The following NFIA variants were observed in gnomAD, a reference collection of about 807,000 sequenced individuals.
The protein encoded by NFIA is nuclear factor 1 A-type.
In NFIA, 8 loss-of-function variants were observed where a neutral mutation model predicts 62.8. The ratio of observed to expected loss-of-function variants is 0.13; its 90% CI spans 0.07 to 0.23. NFIA has a LOEUF of 0.23. NFIA is among the 10% of genes least tolerant of loss of function. NFIA has a pLI of 1.00. For missense variants in NFIA, 410 were observed against 642.1 expected, an observed-to-expected ratio of 0.64 and a Z score of 3.91; for synonymous variants, 235 against 238.1, an observed-to-expected ratio of 0.99 and a Z score of 0.12.
chr1:61,290,802 A>G (rs1179672622), intron 3 of NFIA, among the ~76,000 whole-genome samples: 3 of 152,128 alleles, frequency 2.0e-5, no homozygotes, highest in Admixed American at 2.0e-4. Flanking sequence ...TGGTCCTTGA[A>G]GGGAGCCAGA....
chr1:61,223,972 T>G (rs1654172342), intron 2 of NFIA, among the ~76,000 whole-genome samples: 1 of 152,106 alleles, frequency 6.6e-6, no homozygotes, highest in Non-Finnish European at 1.5e-5. Context: ...ACCAGAGGGT[T>G]CTTGCCTAAT....
At chr1:61,226,652 T>A in intron 2 of NFIA, among the ~76,000 whole-genome samples, 1 of 152,208 alleles carries the variant, frequency 6.6e-6, no homozygotes, top group East Asian at 1.9e-4. Context: ...TCCCATCTTT[T>A]TATTTTTATT....
intron 2 of NFIA, among the ~76,000 whole-genome samples, chr1:61,228,032 T>G (rs1306729660): frequency 6.6e-6 from 1 of 152,228 alleles, no homozygotes; most frequent in Non-Finnish European, 1.5e-5. Flanking sequence ...CTCTCAGATC[T>G]TGAAGATCTG....
At chr1:61,422,290 T>C (rs1384793726) in intron 9 of NFIA, among the ~76,000 whole-genome samples, 2 of 152,174 alleles carry the variant, frequency 1.3e-5, no homozygotes, top group African/African-American at 4.8e-5. Flanking sequence ...TCAACTGACG[T>C]TGGCATGAAT....
intron 2 of NFIA, among the ~76,000 whole-genome samples, chr1:61,228,314 G>A (rs1036658980): frequency 6.6e-6 from 1 of 152,134 alleles, no homozygotes; most frequent in East Asian, 1.9e-4. Context: ...CAACAAAGCC[G>A]TGAGCAAGGT....
chr1:61,111,533 G>A (rs533411588), intron 2 of NFIA, among the ~76,000 whole-genome samples: 1 of 152,244 alleles, frequency 6.6e-6, no homozygotes, highest in South Asian at 2.1e-4. Context: ...CATTTGTGAA[G>A]ACTTTGCATT....
At chr1:61,322,470 G>A (rs1262172625) in intron 3 of NFIA, among the ~76,000 whole-genome samples, 1 of 152,226 alleles carries the variant, frequency 6.6e-6, no homozygotes, top group East Asian at 1.9e-4. Context: ...GCTATTCCAC[G>A]GGTGTGTGCC....
At chr1:61,120,959 A>G (rs1433782209) in intron 2 of NFIA, among the ~76,000 whole-genome samples, 2 of 152,216 alleles carry the variant, frequency 1.3e-5, no homozygotes, top group African/African-American at 2.4e-5. Flanking sequence ...TGTGAACAGT[A>G]TCTGTTAGCC....
chr1:61,089,775 A>G (rs1258530503), intron 2 of NFIA, among the ~76,000 whole-genome samples: 1 of 146,238 alleles, frequency 6.8e-6, no homozygotes, highest in Non-Finnish European at 1.5e-5. Context: ...TTTTAATTCT[A>G]AAAATGTTAG....
chr1:61,361,123 C>T (rs1245607872), intron 6 of NFIA, among the ~76,000 whole-genome samples: 6 of 152,186 alleles, frequency 3.9e-5, no homozygotes, highest in Non-Finnish European at 8.8e-5. Flanking sequence ...GTTAGTCTTC[C>T]GTGACTTCTG....
chr1:61,284,743 A>G lies in NFIA; in HGVS notation c.625+7158A>G, dbSNP rs1489885878. Among the ~76,000 whole-genome samples, 3 of 152,160 alleles carry G rather than the reference A, an allele frequency of 2.0e-5. No homozygotes were observed. In the East Asian group the frequency reaches 5.8e-4, roughly 29 times the overall value. ...CTATTCCCCTGATTTTCAGGTTCTA[A>G]AATGGACTGACTGGGTGGTCTGTTT... On this transcript the variant is annotated intron_variant, in intron 3 of 10. Coordinates refer to ENST00000403491, the MANE Select transcript of NFIA (RefSeq NM_001134673.4).
intron 3 of NFIA, among the ~76,000 whole-genome samples, chr1:61,291,968 G>C (rs776468002): frequency 2.0e-5 from 3 of 152,010 alleles, no homozygotes; most frequent in Non-Finnish European, 4.4e-5. Flanking sequence ...TTAGGACTTT[G>C]ACTGAACACC....
chr1:61,147,339 C>T (rs965946627), intron 2 of NFIA, among the ~76,000 whole-genome samples: 14 of 152,162 alleles, frequency 9.2e-5, no homozygotes, highest in Non-Finnish European at 2.1e-4. Flanking sequence ...TTAGTAGAGA[C>T]GAGGTTTCAC....
intron 4 of NFIA, among the ~76,000 whole-genome samples, chr1:61,343,351 CAG>C (rs996603514): frequency 5.9e-5 from 9 of 152,252 alleles, no homozygotes; most frequent in Non-Finnish European, 7.4e-5. Flanking sequence ...TTTAATGAAA[CAG>C]AAACATTTTT....
At chr1:61,200,021 T>C (rs1412820822) in intron 2 of NFIA, among the ~76,000 whole-genome samples, 1 of 14,924 alleles carries the variant, frequency 6.7e-5, no homozygotes, top group Non-Finnish European at 1.1e-4. Context: ...TATATATATA[T>C]ATATATATAT....
At chr1:61,122,921 C>G (rs1021839793) in intron 2 of NFIA, among the ~76,000 whole-genome samples, 4 of 152,174 alleles carry the variant, frequency 2.6e-5, no homozygotes, top group Non-Finnish European at 5.9e-5. Flanking sequence ...TGCTCTCCCC[C>G]ACCCAGCCCA....
chr1:61,377,149 G>A (rs1402406013), intron 6 of NFIA, among the ~76,000 whole-genome samples: 1 of 151,920 alleles, frequency 6.6e-6, no homozygotes. Flanking sequence ...CTTGAACCAG[G>A]GAGGCAGAGG....
At chr1:61,145,889 C>T (rs1279203637) in intron 2 of NFIA, among the ~76,000 whole-genome samples, 1 of 152,194 alleles carries the variant, frequency 6.6e-6, no homozygotes, top group Non-Finnish European at 1.5e-5. Context: ...CGATTTAATT[C>T]AACTCTTCTT....
At chr1:61,442,067 T>C (rs1257299467) in intron 10 of NFIA, among the ~76,000 whole-genome samples, 3 of 152,112 alleles carry the variant, frequency 2.0e-5, no homozygotes, top group Non-Finnish European at 4.4e-5. Flanking sequence ...TACTGTCAAA[T>C]CTGGACTATC....
Sources: gnomAD v4.1 joint callset for allele counts (sites outside exome capture counted in the v4.1 genomes callset) on GRCh38, gnomAD v4.1.1 for gene constraint, MANE v1.5 for transcripts, NCBI Gene and HGNC (gene_info 2026-07-23, HGNC 2026-07-21) for gene names.